FRMD4A: variants seen among roughly 807,000 people sequenced by gnomAD.
FRMD4A encodes the protein FERM domain containing 4A.
A neutral mutation model predicts 129.1 loss-of-function variants in FRMD4A; 29 were observed. The ratio of observed to expected loss-of-function variants is 0.22; its 90% CI spans 0.17 to 0.31. FRMD4A has a LOEUF of 0.31. Ranked by LOEUF, FRMD4A falls within the 10% of genes least tolerant of loss-of-function variation. The pLI is 1.00. For synonymous variants in FRMD4A, 634 were observed against 571.6 expected (o/e 1.11, Z -1.56); for missense variants, 1,272 against 1,375.8 (o/e 0.92, Z 1.19).
In FRMD4A at chr10:14,231,782, G is replaced by A. The variant is rs143974535; in HGVS notation, c.45+98276C>T. Among the ~76,000 whole-genome samples, 1,351 of 152,258 alleles carry A rather than the reference G, an allele frequency of 8.9e-3. 21 individuals carry two copies. The highest frequency in any genetic ancestry group is 0.03 in the African/African-American group (1,257 of 41,548). On this transcript the variant is annotated intron_variant, in intron 2 of 24. Coordinates refer to ENST00000357447, the MANE Select transcript of FRMD4A (RefSeq NM_018027.5). The stretch of plus-strand genomic sequence containing the variant: ...GCTCATTTTTAAGGGGGTGGGTTGT[G>A]TCTTGCTTGTTGATTTCTTTACATT...
At chr10:14,329,979 C>G in intron 2 of FRMD4A, 79 bp downstream of exon 2, 2 of 1,321,360 alleles carry the variant, frequency 1.5e-6, no homozygotes, top group Non-Finnish European at 2.1e-6. Context: ...GCAGCCACTG[C>G]AGCGGCAGCA....
intron 2 of FRMD4A, among the ~76,000 whole-genome samples, chr10:14,164,563 G>A (rs757242747): frequency 6.6e-6 from 1 of 152,198 alleles, no homozygotes; most frequent in African/African-American, 2.4e-5. Context: ...GGTGAGGTGG[G>A]ACTCAGCCTC....
intron 2 of FRMD4A, among the ~76,000 whole-genome samples, chr10:14,302,625 A>G (rs1176125259): frequency 1.3e-5 from 2 of 152,236 alleles, no homozygotes; most frequent in Non-Finnish European, 2.9e-5. Context: ...GCACATAGTA[A>G]TTTCACTAAA....
At chr10:14,300,674 A>G (rs1846154763) in intron 2 of FRMD4A, among the ~76,000 whole-genome samples, 1 of 152,222 alleles carries the variant, frequency 6.6e-6, no homozygotes, top group Non-Finnish European at 1.5e-5. Context: ...TAAAATGGTG[A>G]AAGTAAATAA....
chr10:14,259,749 C>T (rs539783883), intron 2 of FRMD4A, among the ~76,000 whole-genome samples: 1 of 152,292 alleles, frequency 6.6e-6, no homozygotes, highest in African/African-American at 2.4e-5. Flanking sequence ...GTCTCCTTCT[C>T]TATTGACTGC....
At chr10:14,229,017 C>T (rs908994860) in intron 2 of FRMD4A, among the ~76,000 whole-genome samples, 1 of 152,102 alleles carries the variant, frequency 6.6e-6, no homozygotes, top group Non-Finnish European at 1.5e-5. Context: ...CTGGAATGAC[C>T]TGTTCATGTG....
chr10:14,054,523 G>A (rs376596655), intron 2 of FRMD4A, among the ~76,000 whole-genome samples: 2 of 152,090 alleles, frequency 1.3e-5, no homozygotes, highest in East Asian at 1.9e-4. Context: ...ATTTCTCTAC[G>A]AGTGTGGATC....
intron 2 of FRMD4A, among the ~76,000 whole-genome samples, chr10:14,218,582 G>A (rs1466447787): frequency 4.6e-5 from 7 of 152,040 alleles, no homozygotes; most frequent in South Asian, 2.1e-4. Flanking sequence ...GGCTGGGCAC[G>A]GTGTCTCACG....
intron 2 of FRMD4A, among the ~76,000 whole-genome samples, chr10:14,281,118 A>T (rs1256390775): frequency 1.4e-5 from 2 of 144,690 alleles, no homozygotes; most frequent in African/African-American, 5.3e-5. Context: ...TCAGCCCCCC[A>T]AGTAGCTGAG....
At chr10:13,731,210 C>T (rs576540820) in intron 12 of FRMD4A, among the ~76,000 whole-genome samples, 2 of 152,144 alleles carry the variant, frequency 1.3e-5, no homozygotes, top group South Asian at 4.2e-4. Flanking sequence ...AAAGGGATGT[C>T]CCCAAGTGTC....
chr10:14,218,591 C>T lies in FRMD4A; in HGVS notation c.45+111467G>A, dbSNP rs113493815. 3.2e-3 allele frequency among the ~76,000 whole-genome samples: 491 copies of T among 152,190 alleles called. 5 individuals carry two copies. The highest frequency in any genetic ancestry group is 0.011 in the African/African-American group (442 of 41,510). Reference sequence around the variant, plus strand: ...CTTAGTGGCTGGGCACGGTGTCTCACGCCTGTAATCCCGGTACTTTGGGAG... The same window carrying T: ...CTTAGTGGCTGGGCACGGTGTCTCATGCCTGTAATCCCGGTACTTTGGGAG... On this transcript the variant is annotated intron_variant, in intron 2 of 24. Coordinates refer to ENST00000357447, the MANE Select transcript of FRMD4A (RefSeq NM_018027.5).
chr10:13,924,778 G>A (rs571480715), intron 2 of FRMD4A, among the ~76,000 whole-genome samples: 2 of 152,224 alleles, frequency 1.3e-5, no homozygotes, highest in Non-Finnish European at 2.9e-5. Flanking sequence ...ACCTGTCATA[G>A]TGTGTTCAGC....
chr10:14,233,702 G>C (rs901399324), intron 2 of FRMD4A, among the ~76,000 whole-genome samples: 5 of 152,232 alleles, frequency 3.3e-5, no homozygotes, highest in Admixed American at 2.0e-4. Flanking sequence ...CGCTGAAAAA[G>C]ACTCACTGCT....
intron 4 of FRMD4A, among the ~76,000 whole-genome samples, chr10:13,802,367 A>C (rs7069908): frequency 0.99 from 150,480 of 152,258 alleles, 74,400 homozygotes; most frequent in East Asian, 1. Context: ...ATGACACTGC[A>C]CAGCTTCTAG....
intron 22 of FRMD4A, chr10:13,655,439 A>G (rs1369966402): frequency 3.3e-5 from 5 of 152,198 alleles, no homozygotes; most frequent in Non-Finnish European, 7.3e-5. Context: ...TCACTGGGCT[A>G]TTTTACAGAT....
rs370391266 is a variant in FRMD4A, at chr10:13,938,020, A to G, written c.46-79108T>C. Among the ~76,000 whole-genome samples, 15 of 152,344 alleles carry G rather than the reference A, an allele frequency of 9.8e-5. No individual in the cohort carries two copies. In the South Asian group the frequency reaches 2.9e-3, roughly 29 times the overall value. On this transcript the variant is annotated intron_variant, in intron 2 of 24. Transcript: ENST00000357447. ...TTTCTGTTTATCCTTTTTGTTAAAT[A>G]TGAAAGAAACTGAATAAAAAGTCTG...
At chr10:14,128,085 TTTC>T (rs1839020413) in intron 2 of FRMD4A, among the ~76,000 whole-genome samples, 2 of 115,962 alleles carry the variant, frequency 1.7e-5, no homozygotes, top group African/African-American at 6.2e-5. Context: ...TCTTTCTTTC[TTTC>T]TTTCTTTCTT....
chr10:13,840,794 A>C (rs1379080751), intron 3 of FRMD4A, among the ~76,000 whole-genome samples: 5 of 26,276 alleles, frequency 1.9e-4, no homozygotes, highest in African/African-American at 5.5e-4. Flanking sequence ...GTCTCAAAAA[A>C]AAAAAAAAAA....
intron 2 of FRMD4A, among the ~76,000 whole-genome samples, chr10:13,899,775 C>T (rs1025769620): frequency 4.6e-5 from 7 of 152,200 alleles, no homozygotes; most frequent in Admixed American, 3.3e-4. Context: ...TTGCCTGCCA[C>T]AGGCTGTACA....
Sources: allele counts gnomAD v4.1 joint callset (sites outside exome capture counted in the v4.1 genomes callset), GRCh38; gene constraint gnomAD v4.1.1; transcripts MANE v1.5; gene names NCBI Gene and HGNC (gene_info 2026-07-23, HGNC 2026-07-21).